Variants in SLC16A2 observed in about 807,000 individuals in gnomAD.
The protein encoded by SLC16A2 is monocarboxylate transporter 8.
In SLC16A2, 3 loss-of-function variants were observed where a neutral mutation model predicts 27.2. The ratio of observed to expected loss-of-function variants is 0.11; its 90% CI spans 0.05 to 0.28. SLC16A2 has a LOEUF of 0.28. Among genes scored for constraint, SLC16A2 ranks in the 10% least tolerant of loss-of-function variants. SLC16A2 has a pLI of 1.00. For synonymous variants in SLC16A2, 202 were observed against 187.8 expected, an observed-to-expected ratio of 1.08 and a Z score of -0.62; for missense variants, 295 against 458.5, an observed-to-expected ratio of 0.64 and a Z score of 3.26.
At position 74,533,756 on chromosome X, in the gene SLC16A2, A is replaced by C. The variant is rs2147351742; in HGVS notation, c.*2203A>C. On this transcript the variant is annotated 3_prime_UTR_variant, in exon 6 of 6. Transcript: ENST00000587091. ...TGTGAGCTTGTGTGCTTTTGGAGAG[A>C]ATGTTGATTGGCAAAAGCAGCACAG... 1 of 112,688 alleles carries C rather than the reference A, an allele frequency of 8.9e-6. No individual in the cohort carries two copies. The highest frequency in any genetic ancestry group is 2.8e-4 in the East Asian group (1 of 3,571). 9.3% of individuals were successfully genotyped at this position (112,688 alleles called of 1,213,427 possible).
intron 1 of SLC16A2, among the ~76,000 whole-genome samples, chrX:74,477,550 C>G (rs1257402719): frequency 9.0e-6 from 1 of 111,625 alleles, no homozygotes; most frequent in Non-Finnish European, 1.9e-5. Context: ...TCTTGCTTCT[C>G]TAGTTCTTTT....
intron 1 of SLC16A2, among the ~76,000 whole-genome samples, chrX:74,511,406 C>T (rs1214107447): frequency 8.9e-6 from 1 of 111,799 alleles, no homozygotes; most frequent in Non-Finnish European, 1.9e-5. Flanking sequence ...TGGTCTCTAT[C>T]TCCTGACTTC....
chrX:74,467,215 A>G (rs1198839249), intron 1 of SLC16A2, among the ~76,000 whole-genome samples: 2 of 111,867 alleles, frequency 1.8e-5, no homozygotes, highest in African/African-American at 6.5e-5. Context: ...CCTTAGATAT[A>G]ATCTTTTCAG....
chrX:74,451,553 T>G (rs1333105356), intron 1 of SLC16A2, among the ~76,000 whole-genome samples: 1 of 112,559 alleles, frequency 8.9e-6, no homozygotes, highest in African/African-American at 3.2e-5. Flanking sequence ...AAGGAACAAA[T>G]GACTGTAAAG....
At chrX:74,442,835 T>C (rs930736219) in intron 1 of SLC16A2, among the ~76,000 whole-genome samples, 2 of 111,590 alleles carry the variant, frequency 1.8e-5, no homozygotes, top group Non-Finnish European at 3.8e-5. Context: ...CACACGCATG[T>C]AGTCCCAGCT....
intron 2 of SLC16A2, among the ~76,000 whole-genome samples, chrX:74,521,960 G>T (rs774032390): frequency 8.9e-6 from 1 of 111,988 alleles, no homozygotes; most frequent in Non-Finnish European, 1.9e-5. Flanking sequence ...AAGAATGTGT[G>T]TAGGGTAAGG....
At chrX:74,494,712 T>C (rs1426887133) in intron 1 of SLC16A2, among the ~76,000 whole-genome samples, 2 of 111,358 alleles carry the variant, frequency 1.8e-5, no homozygotes, top group African/African-American at 6.5e-5. Flanking sequence ...AGCTCCACTT[T>C]GATTTACAGA....
chrX:74,494,106 T>A (rs1240572547), intron 1 of SLC16A2, among the ~76,000 whole-genome samples: 2 of 112,067 alleles, frequency 1.8e-5, no homozygotes, highest in African/African-American at 6.5e-5. Context: ...GCAGTTGCTG[T>A]CTCCAGTCAC....
At position 74,426,459 on chromosome X, in the gene SLC16A2, C is replaced by T. The variant is rs147526444; in HGVS notation, c.430+4392C>T. ...TGGGGTAGCTGGTTGAGGCTGGATG[C>T]CTGGATCACTGTACAGTGGCCTCAA... On this transcript the variant is annotated intron_variant, in intron 1 of 5. Transcript: ENST00000587091. 9.8e-3 allele frequency among the ~76,000 whole-genome samples: 1,093 copies of T among 111,880 alleles called. 15 individuals are homozygous for T. Among genetic ancestry groups the T allele is most frequent in the African/African-American group, 0.033 (1,023 of 30,775 alleles).
chrX:74,514,438 C>T (rs896352747), intron 1 of SLC16A2, among the ~76,000 whole-genome samples: 1 of 111,460 alleles, frequency 9.0e-6, no homozygotes. Flanking sequence ...CTTCTACACT[C>T]ACCCAGCTGT....
chrX:74,498,353 A>G (rs772954181), intron 1 of SLC16A2, among the ~76,000 whole-genome samples: 12 of 109,897 alleles, frequency 1.1e-4, no homozygotes, highest in African/African-American at 3.6e-4. Context: ...CAATCAACTG[A>G]CCCCACCCAG....
At chrX:74,525,635 T>G in intron 3 of SLC16A2, 115 bp from the exon 4 acceptor site, 4 of 869,233 alleles carry the variant, frequency 4.6e-6, no homozygotes, top group Non-Finnish European at 6.8e-6. Context: ...GGAGAGGGGG[T>G]TTCTGTCCTG....
In SLC16A2 at chrX:74,458,595, G is replaced by A. The variant is rs564393824; in HGVS notation, c.430+36528G>A. On this transcript the variant is annotated intron_variant, in intron 1 of 5. Coordinates refer to ENST00000587091, the MANE Select transcript of SLC16A2 (RefSeq NM_006517.5). ...ACTCCCGACCTCAGGTGATCCACCC[G>A]CCTCTGCCTCCCAAAGTGCTGGGAT... is the stretch of plus-strand genomic sequence containing the variant. 5.7e-4 allele frequency among the ~76,000 whole-genome samples: 64 copies of A among 111,453 alleles called. 1 individual carries two copies. The South Asian group carries it at 0.02, about 35-fold the overall frequency.
chrX:74,532,954 C>A lies in SLC16A2; in HGVS notation c.*1401C>A, dbSNP rs1930593868. The A allele has an allele frequency of 8.9e-6, 1 of 112,333 alleles. No homozygotes were observed. The highest frequency in any genetic ancestry group is 3.7e-4 in the South Asian group (1 of 2,668). 9.3% of individuals were successfully genotyped at this position (112,333 alleles called of 1,213,427 possible). A position where few individuals can be genotyped will look rare whatever the true frequency, so the allele number is the denominator to read the frequency against. On this transcript the variant is annotated 3_prime_UTR_variant, in exon 6 of 6. Transcript: ENST00000587091. ...CATTCCCAGTGCCCCTGGCTAGGGGCAGAGGGCACTGCCAGGCTGTGTTCA... is the reference window on the plus strand; with the variant it reads ...CATTCCCAGTGCCCCTGGCTAGGGGAAGAGGGCACTGCCAGGCTGTGTTCA...
At chrX:74,486,544 A>G (rs1376946001) in intron 1 of SLC16A2, among the ~76,000 whole-genome samples, 1 of 111,793 alleles carries the variant, frequency 8.9e-6, no homozygotes, top group Non-Finnish European at 1.9e-5. Context: ...ACCATCTCAC[A>G]CCAGTTAGAA....
At chrX:74,485,417 A>ATCT (rs1251288833) in intron 1 of SLC16A2, among the ~76,000 whole-genome samples, 1 of 109,871 alleles carries the variant, frequency 9.1e-6, no homozygotes, top group Non-Finnish European at 1.9e-5. Flanking sequence ...ATATATATAT[A>ATCT]TCTTTGCAAC....
In SLC16A2 at chrX:74,427,811, G is replaced by GCGCACA. The variant is rs1459240575; in HGVS notation, c.430+5745_430+5746insGCACAC. 7.7e-3 allele frequency among the ~76,000 whole-genome samples: 788 copies of GCGCACA among 101,702 alleles called. 14 individuals carry two copies. The highest frequency in any genetic ancestry group is 0.027 in the African/African-American group (747 of 27,937). 88.3% of individuals were successfully genotyped at this position (101,702 alleles called of 115,157 possible). ...CGCATGCGCACGCGTGCACGCGCGC[G>GCGCACA]CACACACACACACACACACACACAC... On this transcript the variant is annotated intron_variant, in intron 1 of 5. Coordinates refer to ENST00000587091, the MANE Select transcript of SLC16A2 (RefSeq NM_006517.5).
chrX:74,482,295 A>G (rs986199285), intron 1 of SLC16A2, among the ~76,000 whole-genome samples: 1 of 111,277 alleles, frequency 9.0e-6, no homozygotes, highest in Non-Finnish European at 1.9e-5. Flanking sequence ...TGTTTATCCT[A>G]TTTGTTATTT....
intron 1 of SLC16A2, among the ~76,000 whole-genome samples, chrX:74,483,803 G>A (rs1428403220): frequency 9.0e-6 from 1 of 111,003 alleles, no homozygotes. Flanking sequence ...AGTGAGCTGG[G>A]GCAGAGTGAT....
Sources: gnomAD v4.1 joint callset for allele counts (sites outside exome capture counted in the v4.1 genomes callset) on GRCh38, gnomAD v4.1.1 for gene constraint, MANE v1.5 for transcripts, NCBI Gene and HGNC (gene_info 2026-07-23, HGNC 2026-07-21) for gene names.